The following GPR101 variants were observed in gnomAD, a reference collection of about 807,000 sequenced individuals.
The protein encoded by GPR101 is G protein-coupled receptor 101.
GPR101 carries 8 observed loss-of-function variants against 16.4 expected under a neutral mutation model. That is an observed-to-expected ratio of 0.49 (90% CI 0.29 to 0.88). The LOEUF (loss-of-function observed/expected upper bound fraction) is 0.88. Among genes scored for constraint, GPR101 ranks in the 40% least tolerant of loss-of-function variants. The pLI is 0.09. For synonymous variants in GPR101, 155 were observed against 168.7 expected, an observed-to-expected ratio of 0.92 and a Z score of 0.63; for missense variants, 375 against 411.7, an observed-to-expected ratio of 0.91 and a Z score of 0.77.
Position 137,026,853 on chromosome X carries a change from C to T in GPR101, c.*3295G>A, listed in dbSNP as rs1009709666. Among the ~76,000 whole-genome samples the T allele has an allele frequency of 2.9e-4, 32 of 111,064 alleles. No individual in the cohort carries two copies. The highest frequency in any genetic ancestry group is 1.1e-3 in the African/African-American group (32 of 30,432). On this transcript the variant is annotated 3_prime_UTR_variant, in exon 2 of 2. Coordinates refer to ENST00000651716, the MANE Select transcript of GPR101 (RefSeq NM_054021.2). ...TATGGCTCACTTCTCTCCTTCCCTG[C>T]TTCCATAGGCCCCCAGGTCCCTGTG... is the stretch of plus-strand genomic sequence containing the variant.
At position 137,026,778 on chromosome X, in the gene GPR101, A is replaced by G. The variant is rs1168811503; in HGVS notation, c.*3370T>C. On this transcript the variant is annotated 3_prime_UTR_variant, in exon 2 of 2. Coordinates refer to ENST00000651716, the MANE Select transcript of GPR101 (RefSeq NM_054021.2). ...TTGAAGTAGGTATCCCGTCATCTCTAAATTGGATTGGAGTTGGGTAGGAGA... is the reference window on the plus strand; with the variant it reads ...TTGAAGTAGGTATCCCGTCATCTCTGAATTGGATTGGAGTTGGGTAGGAGA... 9.0e-6 allele frequency among the ~76,000 whole-genome samples: 1 copy of G among 111,030 alleles called. No individual in the cohort carries two copies. Among genetic ancestry groups the G allele is most frequent in the Non-Finnish European group, 1.9e-5 (1 of 53,044 alleles).
In GPR101 at chrX:137,024,736, C is replaced by G. The variant is rs1299221900; in HGVS notation, c.*5412G>C. 9.0e-6 allele frequency among the ~76,000 whole-genome samples: 1 copy of G among 110,942 alleles called. No individual in the cohort carries two copies. The highest frequency in any genetic ancestry group is 9.6e-5 in the Admixed American group (1 of 10,403). ...TGTCTCTATCTTGTCTCTCAGACAA[C>G]CAACCAAAGGGGGAAAAACAGAGCA... is the stretch of plus-strand genomic sequence containing the variant. On this transcript the variant is annotated 3_prime_UTR_variant, in exon 2 of 2. Coordinates refer to ENST00000651716, the MANE Select transcript of GPR101 (RefSeq NM_054021.2).
rs1366579257 is a variant in GPR101, at chrX:137,027,668, T to A, written c.*2480A>T. ...TCCAATTTACCAAAATAATGGACAA[T>A]GACTAAAATAGGGAAAAGAGGAACT... On this transcript the variant is annotated 3_prime_UTR_variant, in exon 2 of 2. Transcript: ENST00000651716. Among the ~76,000 whole-genome samples the A allele has an allele frequency of 8.9e-6, 1 of 111,865 alleles. No individual in the cohort carries two copies. The highest frequency in any genetic ancestry group is 2.8e-4 in the East Asian group (1 of 3,593).
In GPR101 at chrX:137,029,834, T is replaced by C. The variant is rs1400589218; in HGVS notation, c.*314A>G. Among the ~76,000 whole-genome samples, 2 of 112,389 alleles carry C rather than the reference T, an allele frequency of 1.8e-5. No individual in the cohort carries two copies. The highest frequency in any genetic ancestry group is 6.5e-5 in the African/African-American group (2 of 31,002). ...TTCCTTCAGAGCTAAAGTTGGCATG[T>C]TGTAGCTCTGGAAAAGATAGAATAC... is the stretch of plus-strand genomic sequence containing the variant. On this transcript the variant is annotated 3_prime_UTR_variant, in exon 2 of 2. Coordinates refer to ENST00000651716, the MANE Select transcript of GPR101 (RefSeq NM_054021.2).
At position 137,033,965 on chromosome X, in the gene GPR101, C is replaced by T. The variant is rs1201141199; in HGVS notation, c.-256G>A. Among the ~76,000 whole-genome samples the T allele has an allele frequency of 9.0e-6, 1 of 111,449 alleles. No individual in the cohort carries two copies. Among genetic ancestry groups the T allele is most frequent in the Admixed American group, 9.3e-5 (1 of 10,737 alleles). On this transcript the variant is annotated 5_prime_UTR_variant, in exon 1 of 2. It adds an upstream start codon to the 5' untranslated region. Transcript: ENST00000651716. ...GCGGGGCACAGCGTCTGTGCCCGCA[C>T]GTCCGGCCAGCGCGCCGCGCTGCAA... is the stretch of plus-strand genomic sequence containing the variant.
rs1927259647 is a variant in GPR101 at position 137,031,285 on chromosome X, G to A, written c.390C>T (p.Tyr130=). 8.3e-7 allele frequency: 1 copy of A among 1,210,827 alleles called. No homozygotes were observed. Among genetic ancestry groups the A allele is most frequent in the Non-Finnish European group, 1.1e-6 (1 of 895,050 alleles). The change falls in exon 2 of 2, where the codon TAC becomes TAT. Residue 130 remains tyrosine, a synonymous_variant. Transcript: ENST00000651716. The part of the protein sequence containing the change: ...NTIVVVSVDR[Y]LSIIHPLSYP... Reference sequence around the variant, plus strand: ...AGGAGAGAGGGTGGATGATGGACAAGTAGCGATCCACTGACACCACGACAA... The same window carrying A: ...AGGAGAGAGGGTGGATGATGGACAAATAGCGATCCACTGACACCACGACAA...
Position 137,025,673 on chromosome X carries a change from A to G in GPR101, c.*4475T>C, listed in dbSNP as rs1172315025. ...GATATGGAGGCTTTGGGAGGCAATG[A>G]TGGAAACACTTGACACCTATTAGCA... On this transcript the variant is annotated 3_prime_UTR_variant, in exon 2 of 2. Transcript: ENST00000651716. Among the ~76,000 whole-genome samples the G allele has an allele frequency of 8.9e-6, 1 of 112,228 alleles. No individual in the cohort carries two copies. Among genetic ancestry groups the G allele is most frequent in the Non-Finnish European group, 1.9e-5 (1 of 53,252 alleles).
Position 137,031,329 on chromosome X carries a change from A to T in GPR101, c.346T>A (p.Phe116Ile). 2.5e-6 allele frequency: 3 copies of T among 1,204,830 alleles called. No homozygotes were observed. Among genetic ancestry groups the T allele is most frequent in the Non-Finnish European group, 3.4e-6 (3 of 892,064 alleles). ...ALVSLTHLFA[F>I]ASVNTIVVVS... The stretch of plus-strand genomic sequence containing the variant: ...ACGACAATGGTGTTGACGCTGGCGA[A>T]GGCGAACAGGTGGGTGAGGCTAACC... Residue 116 changes from phenylalanine to isoleucine, a missense_variant, in exon 2 of 2, where the codon TTC (phenylalanine) becomes ATC (isoleucine). Physicochemically the swap from Phe to Ile is conservative, Grantham distance 21 (BLOSUM62 0). Coordinates refer to ENST00000651716, the MANE Select transcript of GPR101 (RefSeq NM_054021.2).
At position 137,028,599 on chromosome X, in the gene GPR101, CTG is replaced by C. The variant is rs1003573308; in HGVS notation, c.*1547_*1548del. 2.7e-5 allele frequency among the ~76,000 whole-genome samples: 3 copies of C among 112,204 alleles called. No homozygotes were observed. In the Admixed American group the frequency reaches 2.8e-4, roughly 11 times the overall value. On this transcript the variant is annotated 3_prime_UTR_variant, in exon 2 of 2. Transcript: ENST00000651716. ...TTTCTGCATGAACAGTTGGTTGACT[CTG>C]GAGTTGCTTTAACTTGTTCTGTAGG...
At position 137,025,462 on chromosome X, in the gene GPR101, A is replaced by G. The variant is rs1343848185; in HGVS notation, c.*4686T>C. Reference sequence around the variant, plus strand: ...AAGATGAAAATACCAAACTTTTAACATTAAAGTTGTAGCACAGATGAAGAG... The same window carrying G: ...AAGATGAAAATACCAAACTTTTAACGTTAAAGTTGTAGCACAGATGAAGAG... On this transcript the variant is annotated 3_prime_UTR_variant, in exon 2 of 2. Coordinates refer to ENST00000651716, the MANE Select transcript of GPR101 (RefSeq NM_054021.2). Among the ~76,000 whole-genome samples, 1 of 112,844 alleles carries G rather than the reference A, an allele frequency of 8.9e-6. No homozygotes were observed. Among genetic ancestry groups the G allele is most frequent in the African/African-American group, 3.2e-5 (1 of 31,073 alleles).
chrX:137,028,141 A>G lies in GPR101; in HGVS notation c.*2007T>C, dbSNP rs1008293351. Among the ~76,000 whole-genome samples, 2 of 112,431 alleles carry G rather than the reference A, an allele frequency of 1.8e-5. No homozygotes were observed. The highest frequency in any genetic ancestry group is 6.5e-5 in the African/African-American group (2 of 30,968). On this transcript the variant is annotated 3_prime_UTR_variant, in exon 2 of 2. Coordinates refer to ENST00000651716, the MANE Select transcript of GPR101 (RefSeq NM_054021.2). ...TTTATGCATTTTGGTAGAAAAATAA[A>G]TGATAGTGTAAGGGTAAACTTTAGC...
rs765586649 is a variant in GPR101 at position 137,031,503 on chromosome X, G to A, written c.172C>T (p.Arg58Cys). The change falls in exon 2 of 2, where the codon CGC (arginine) becomes TGC (cysteine). Residue 58 changes from arginine to cysteine, a missense_variant. Coordinates refer to ENST00000651716, the MANE Select transcript of GPR101 (RefSeq NM_054021.2). ...GNIVLALVLQRKPQLLQVTNR... is the reference protein window; with the variant it reads ...GNIVLALVLQCKPQLLQVTNR... ...GTCACCTGCAGCAGCTGCGGCTTGC[G>A]CTGCAACACTAGCGCCAGCACTATG... 8.3e-7 allele frequency: 1 copy of A among 1,206,972 alleles called. No individual in the cohort carries two copies. The highest frequency in any genetic ancestry group is 3.0e-5 in the East Asian group (1 of 33,813).
chrX:137,031,725 G>A lies in GPR101; in HGVS notation c.-51C>T. The stretch of plus-strand genomic sequence containing the variant: ...GGTTGCAGGCTCAGTGCCGGCACCG[G>A]TGGGTGGCAAAGGGGTGCACAGACC... On this transcript the variant is annotated 5_prime_UTR_variant, in exon 2 of 2. Transcript: ENST00000651716. 1 of 1,061,637 alleles carries A rather than the reference G, an allele frequency of 9.4e-7. No individual in the cohort carries two copies. The highest frequency in any genetic ancestry group is 2.2e-5 in the South Asian group (1 of 45,954). The allele number at this position is 1,061,637 out of a possible 1,213,427, so 87.5% of individuals were successfully genotyped here. A position where few individuals can be genotyped will look rare whatever the true frequency, so the allele number is the denominator to read the frequency against.
In GPR101 at chrX:137,024,248, C is replaced by A. The variant is rs1422913558; in HGVS notation, c.*5900G>T. Among the ~76,000 whole-genome samples the A allele has an allele frequency of 8.9e-6, 1 of 111,932 alleles. No homozygotes were observed. Among genetic ancestry groups the A allele is most frequent in the East Asian group, 2.8e-4 (1 of 3,576 alleles). On this transcript the variant is annotated 3_prime_UTR_variant, in exon 2 of 2. Transcript: ENST00000651716. Reference sequence around the variant, plus strand: ...ATTTGATTGGGGTGTGAGTGGGATTCTCTTCTTGTTGAGGGGAGGAAGATA... The same window carrying A: ...ATTTGATTGGGGTGTGAGTGGGATTATCTTCTTGTTGAGGGGAGGAAGATA...
chrX:137,027,086 T>G lies in GPR101; in HGVS notation c.*3062A>C, dbSNP rs1927178748. ...TGGTACTTGTGGTGTCTCAGAGAAG[T>G]GGGACCCTAGCATCACAGAAGTCAC... On this transcript the variant is annotated 3_prime_UTR_variant, in exon 2 of 2. Coordinates refer to ENST00000651716, the MANE Select transcript of GPR101 (RefSeq NM_054021.2). Among the ~76,000 whole-genome samples, 2 of 108,138 alleles carry G rather than the reference T, an allele frequency of 1.8e-5. No individual in the cohort carries two copies. Among genetic ancestry groups the G allele is most frequent in the Non-Finnish European group, 3.8e-5 (2 of 52,357 alleles). The allele number at this position is 108,138 out of a possible 115,157, so 93.9% of individuals were successfully genotyped here.
In GPR101 at chrX:137,024,705, C is replaced by T. The variant is rs1602596815; in HGVS notation, c.*5443G>A. 9.0e-6 allele frequency among the ~76,000 whole-genome samples: 1 copy of T among 110,881 alleles called. No individual in the cohort carries two copies. Among genetic ancestry groups the T allele is most frequent in the African/African-American group, 3.3e-5 (1 of 30,425 alleles). ...ACTACCTCTCTATCTAGTTAGCCAT[C>T]CATGCTGTCTCTATCTTGTCTCTCA... On this transcript the variant is annotated 3_prime_UTR_variant, in exon 2 of 2. Transcript: ENST00000651716.
Position 137,029,575 on chromosome X carries a change from C to T in GPR101, c.*573G>A, listed in dbSNP as rs951089124. ...TCTAGAAACCTTCTTGAGATTCTAA[C>T]TGTAGGAGGCCCTTTGTTTTAGTTT... is the stretch of plus-strand genomic sequence containing the variant. On this transcript the variant is annotated 3_prime_UTR_variant, in exon 2 of 2. Coordinates refer to ENST00000651716, the MANE Select transcript of GPR101 (RefSeq NM_054021.2). 8.9e-5 allele frequency among the ~76,000 whole-genome samples: 10 copies of T among 111,791 alleles called. No individual in the cohort carries two copies. The highest frequency in any genetic ancestry group is 3.3e-4 in the African/African-American group (10 of 30,739).
Position 137,031,536 on chromosome X carries a change from C to T in GPR101, c.139G>A (p.Val47Ile). 8.3e-7 allele frequency: 1 copy of T among 1,211,110 alleles called. No homozygotes were observed. Among genetic ancestry groups the T allele is most frequent in the Non-Finnish European group, 1.1e-6 (1 of 895,314 alleles). Residue 47 changes from valine (V) to isoleucine (I), a missense_variant, in exon 2 of 2, where the codon GTC (valine) becomes ATC (isoleucine). Val to Ile is a conservative substitution (Grantham distance 29, BLOSUM62 3). Coordinates refer to ENST00000651716, the MANE Select transcript of GPR101 (RefSeq NM_054021.2). ...ACTAGCGCCAGCACTATGTTGCCGA[C>T]GAAAGAGGCGGCGAGGAAGATAACC... Reference protein sequence around the residue: ...VLVIFLAASFVGNIVLALVLQ... With the variant: ...VLVIFLAASFIGNIVLALVLQ...
In GPR101 at chrX:137,027,943, C is replaced by T. The variant is rs939126282; in HGVS notation, c.*2205G>A. Among the ~76,000 whole-genome samples, 3 of 112,359 alleles carry T rather than the reference C, an allele frequency of 2.7e-5. No individual in the cohort carries two copies. Among genetic ancestry groups the T allele is most frequent in the African/African-American group, 9.7e-5 (3 of 30,865 alleles). ...TAAGCATTTCTACTCAAAGGATAGGCTATAGCTACCTTGAACTCCTTTGAC... is the reference window on the plus strand; with the variant it reads ...TAAGCATTTCTACTCAAAGGATAGGTTATAGCTACCTTGAACTCCTTTGAC... On this transcript the variant is annotated 3_prime_UTR_variant, in exon 2 of 2. Coordinates refer to ENST00000651716, the MANE Select transcript of GPR101 (RefSeq NM_054021.2).
Sources: gnomAD v4.1 joint callset for allele counts (sites outside exome capture counted in the v4.1 genomes callset) on GRCh38, gnomAD v4.1.1 for gene constraint, MANE v1.5 for transcripts, NCBI Gene and HGNC (gene_info 2026-07-23, HGNC 2026-07-21) for gene names.